PTPRD: variants seen among roughly 807,000 people sequenced by gnomAD.
The protein encoded by PTPRD is receptor-type tyrosine-protein phosphatase delta.
A neutral mutation model predicts 214.5 loss-of-function variants in PTPRD; 34 were observed. That is an observed-to-expected ratio of 0.16 (90% CI 0.12 to 0.21). PTPRD has a LOEUF of 0.21. Among genes scored for constraint, PTPRD ranks in the 10% least tolerant of loss-of-function variants. The probability of loss-of-function intolerance (pLI) is 1.00; values close to 1 mark genes in which losing one functional copy is unlikely to be tolerated. For missense variants in PTPRD, 2,545 were observed against 2,398.7 expected, an observed-to-expected ratio of 1.06 and a Z score of -1.27; for synonymous variants, 1,128 against 845.7, an observed-to-expected ratio of 1.33 and a Z score of -5.79.
At chr9:9,406,966 T>C (rs923653884) in intron 8 of PTPRD, among the ~76,000 whole-genome samples, 13 of 151,566 alleles carry the variant, frequency 8.6e-5, no homozygotes, top group African/African-American at 2.9e-4. Context: ...GAATTAGGAG[T>C]TTGCCATTAG....
intron 2 of PTPRD, among the ~76,000 whole-genome samples, chr9:10,611,473 G>T (rs986164361): frequency 6.6e-6 from 1 of 152,088 alleles, no homozygotes; most frequent in African/African-American, 2.4e-5. Flanking sequence ...CAAAATATTG[G>T]CAAATGTTAG....
At chr9:10,224,140 G>C (rs897387312) in intron 3 of PTPRD, among the ~76,000 whole-genome samples, 1 of 151,694 alleles carries the variant, frequency 6.6e-6, no homozygotes, top group Non-Finnish European at 1.5e-5. Flanking sequence ...ATATTAAGAA[G>C]GATAATCATA....
chr9:8,371,138 G>A (rs1003795870), intron 39 of PTPRD, among the ~76,000 whole-genome samples: 1 of 151,916 alleles, frequency 6.6e-6, no homozygotes, highest in Non-Finnish European at 1.5e-5. Flanking sequence ...ATGTAGAGTG[G>A]TAGAAAAAGG....
chr9:10,245,136 A>G (rs918412998), intron 3 of PTPRD, among the ~76,000 whole-genome samples: 1 of 152,148 alleles, frequency 6.6e-6, no homozygotes, highest in Non-Finnish European at 1.5e-5. Flanking sequence ...ATAGTGAAAA[A>G]TGAAATTAAA....
intron 9 of PTPRD, among the ~76,000 whole-genome samples, chr9:9,310,198 G>C (rs1569567258): frequency 6.6e-6 from 1 of 152,148 alleles, no homozygotes; most frequent in Non-Finnish European, 1.5e-5. Context: ...AGTGTGGCTT[G>C]GAGAGGAAAG....
At position 8,804,524 on chromosome 9, in the gene PTPRD, G is replaced by C. The variant is rs867191934; in HGVS notation, c.-103-70578C>G. Among the ~76,000 whole-genome samples, 6 of 152,132 alleles carry C rather than the reference G, an allele frequency of 3.9e-5. No homozygotes were observed. The South Asian group carries it at 1.0e-3, about 26-fold the overall frequency. ...GGGACGGGAGGATTGCTGGGCACTG[G>C]AGGTCGAGGCTGCAGCAAGCTGTGA... On this transcript the variant is annotated intron_variant, in intron 11 of 45. Coordinates refer to ENST00000381196, the MANE Select transcript of PTPRD (RefSeq NM_002839.4).
At chr9:9,589,245 A>C (rs966702853) in intron 7 of PTPRD, among the ~76,000 whole-genome samples, 1 of 151,968 alleles carries the variant, frequency 6.6e-6, no homozygotes, top group African/African-American at 2.4e-5. Context: ...AGCATACAGC[A>C]GACAAAATCA....
intron 3 of PTPRD, among the ~76,000 whole-genome samples, chr9:10,223,528 G>A (rs2099578332): frequency 6.6e-6 from 1 of 151,798 alleles, no homozygotes; most frequent in Admixed American, 6.6e-5. Flanking sequence ...TCTGGGTGTG[G>A]TGATGTGGGC....
intron 11 of PTPRD, among the ~76,000 whole-genome samples, chr9:8,758,591 G>A (rs1435684999): frequency 6.6e-6 from 1 of 151,984 alleles, no homozygotes; most frequent in Non-Finnish European, 1.5e-5. Flanking sequence ...AAAGAAGCAA[G>A]AAAAGACTAA....
intron 8 of PTPRD, among the ~76,000 whole-genome samples, chr9:9,399,768 GCTC>G (rs2069454344): frequency 6.6e-6 from 1 of 151,978 alleles, no homozygotes; most frequent in East Asian, 1.9e-4. Flanking sequence ...ACATGACTTT[GCTC>G]CTCATTCACC....
intron 20 of PTPRD, among the ~76,000 whole-genome samples, chr9:8,519,016 C>G (rs140639265): frequency 6.6e-6 from 1 of 151,946 alleles, no homozygotes; most frequent in Non-Finnish European, 1.5e-5. Flanking sequence ...AATTAAATTG[C>G]GATGAAACAA....
intron 35 of PTPRD, among the ~76,000 whole-genome samples, chr9:8,416,871 G>A (rs536843873): frequency 6.6e-6 from 1 of 151,776 alleles, no homozygotes; most frequent in African/African-American, 2.4e-5. Flanking sequence ...AGAAATTGAG[G>A]CATAGAAGGG....
chr9:8,600,746 G>T (rs2094807042), intron 14 of PTPRD, among the ~76,000 whole-genome samples: 1 of 151,866 alleles, frequency 6.6e-6, no homozygotes, highest in African/African-American at 2.4e-5. Context: ...AGTCCCTAAA[G>T]AACCAGCAGT....
intron 3 of PTPRD, among the ~76,000 whole-genome samples, chr9:10,237,576 G>A (rs2099633197): frequency 6.6e-6 from 1 of 151,914 alleles, no homozygotes; most frequent in Non-Finnish European, 1.5e-5. Flanking sequence ...AAAGACACAT[G>A]ACATGAACAA....
intron 9 of PTPRD, among the ~76,000 whole-genome samples, chr9:9,216,114 C>T (rs1018552943): frequency 2.0e-5 from 3 of 152,032 alleles, no homozygotes; most frequent in Non-Finnish European, 4.4e-5. Context: ...AGTTACCAAC[C>T]TTCTAAGTCT....
chr9:9,680,530 A>T (rs2097045518), intron 7 of PTPRD, among the ~76,000 whole-genome samples: 1 of 151,866 alleles, frequency 6.6e-6, no homozygotes. Flanking sequence ...TTGTCCCAAA[A>T]GTGATATACT....
intron 3 of PTPRD, among the ~76,000 whole-genome samples, chr9:10,060,961 C>A (rs1291746189): frequency 7.5e-6 from 1 of 132,636 alleles, no homozygotes; most frequent in East Asian, 2.2e-4. Flanking sequence ...TCTCTCTCTT[C>A]CTTTCTTCCT....
intron 7 of PTPRD, among the ~76,000 whole-genome samples, chr9:9,667,131 G>A (rs1290937525): frequency 1.3e-5 from 2 of 151,730 alleles, no homozygotes; most frequent in African/African-American, 2.4e-5. Flanking sequence ...TTTCTACCAC[G>A]TGCTTTGTTT....
chr9:10,097,173 A>G (rs1274947571), intron 3 of PTPRD, among the ~76,000 whole-genome samples: 1 of 144,562 alleles, frequency 6.9e-6, no homozygotes, highest in African/African-American at 2.5e-5. Context: ...AGGTAACAGG[A>G]TGCCTCCAGC....
Sources: allele counts gnomAD v4.1 joint callset (sites outside exome capture counted in the v4.1 genomes callset), GRCh38; gene constraint gnomAD v4.1.1; transcripts MANE v1.5; gene names NCBI Gene and HGNC (gene_info 2026-07-23, HGNC 2026-07-21).